Variants in ADAMTS14 observed in about 807,000 individuals in gnomAD.
ADAMTS14 encodes A disintegrin and metalloproteinase with thrombospondin motifs 14.
A neutral mutation model predicts 128.6 loss-of-function variants in ADAMTS14; 100 were observed. That is an observed-to-expected ratio of 0.78 (90% CI 0.66 to 0.92). The LOEUF (loss-of-function observed/expected upper bound fraction) is 0.92, where lower values mean the gene tolerates loss of function less well. ADAMTS14 is among the 40% of genes least tolerant of loss of function. ADAMTS14 has a pLI of 0.00. For missense variants in ADAMTS14, 1,562 were observed against 1,658.6 expected (o/e 0.94, Z 1.01); for synonymous variants, 665 against 653.8 (o/e 1.02, Z -0.26).
Position 70,761,626 on chromosome 10 carries a change from C to G in ADAMTS14, c.*773C>G, listed in dbSNP as rs368832443. 18 of 152,366 alleles carry G rather than the reference C, an allele frequency of 1.2e-4. No homozygotes were observed. Among genetic ancestry groups the G allele is most frequent in the African/African-American group, 3.8e-4 (16 of 41,586 alleles). 9.4% of individuals were successfully genotyped at this position (152,366 alleles called of 1,614,324 possible). On this transcript the variant is annotated 3_prime_UTR_variant, in exon 22 of 22. Transcript: ENST00000373207. ...AGGGGGCTCAGGACACCCTGGACCC[C>G]AAGTCCTCAGCATCCAGGGATTTCC...
intron 6 of ADAMTS14, among the ~76,000 whole-genome samples, chr10:70,731,652 A>G (rs1467265594): frequency 6.6e-6 from 1 of 152,114 alleles, no homozygotes; most frequent in East Asian, 1.9e-4. Context: ...ACTGCCCTCC[A>G]TCAGCCATTC....
intron 5 of ADAMTS14, 80 bp downstream of exon 5, chr10:70,729,457 C>A: frequency 8.4e-7 from 1 of 1,196,928 alleles, no homozygotes; most frequent in Non-Finnish European, 1.2e-6. Context: ...ATGGTGTGGG[C>A]TGCAGGGGTA....
intron 2 of ADAMTS14, among the ~76,000 whole-genome samples, chr10:70,680,787 G>A (rs1259228201): frequency 5.3e-5 from 8 of 152,072 alleles, no homozygotes; most frequent in African/African-American, 1.2e-4. Context: ...GACTACAGGC[G>A]TGCACCACCA....
chr10:70,725,176 A>G (rs547702745), intron 4 of ADAMTS14, among the ~76,000 whole-genome samples: 2 of 152,272 alleles, frequency 1.3e-5, no homozygotes, highest in South Asian at 2.1e-4. Flanking sequence ...AGGGAAGTCC[A>G]TAAGAGACTG....
chr10:70,680,014 T>C (rs1355289818), intron 2 of ADAMTS14, among the ~76,000 whole-genome samples: 2 of 152,226 alleles, frequency 1.3e-5, no homozygotes, highest in African/African-American at 4.8e-5. Context: ...TATTTTAAAA[T>C]TGTGGCAGTG....
chr10:70,698,522 G>A (rs1356708499), intron 2 of ADAMTS14, among the ~76,000 whole-genome samples: 1 of 152,158 alleles, frequency 6.6e-6, no homozygotes, highest in African/African-American at 2.4e-5. Flanking sequence ...CCGGTCTGGT[G>A]GCCAAGCCTG....
At chr10:70,695,529 G>A (rs887187969) in intron 2 of ADAMTS14, among the ~76,000 whole-genome samples, 2 of 152,176 alleles carry the variant, frequency 1.3e-5, no homozygotes, top group Admixed American at 6.5e-5. Context: ...TATGTAGGGT[G>A]TTGCTTTCAG....
intron 7 of ADAMTS14, among the ~76,000 whole-genome samples, chr10:70,733,668 C>A (rs371319523): frequency 1.3e-5 from 2 of 152,124 alleles, no homozygotes; most frequent in Non-Finnish European, 2.9e-5. Context: ...ACAGCAGGAG[C>A]GAAGGCTTGG....
chr10:70,726,660 G>T (rs1269415139), intron 4 of ADAMTS14, among the ~76,000 whole-genome samples: 2 of 152,170 alleles, frequency 1.3e-5, no homozygotes, highest in Admixed American at 1.3e-4. Context: ...GGGCTGGGAA[G>T]TAAGGGTTAC....
intron 4 of ADAMTS14, 41 bp downstream of exon 4, chr10:70,708,819 G>GGGGTGGGCCCCAC (rs1463161622): frequency 2.2e-6 from 3 of 1,336,814 alleles, no homozygotes; most frequent in East Asian, 5.5e-5. Flanking sequence ...GGAGTGGGGT[G>GGGGTGGGCCCCAC]GGGTGGGCCC....
intron 3 of ADAMTS14, among the ~76,000 whole-genome samples, chr10:70,704,042 G>C (rs1252399018): frequency 1.3e-5 from 2 of 152,230 alleles, no homozygotes. Context: ...AAAGCCAGAG[G>C]CTTCAGCTCA....
rs1308337127 is a variant in ADAMTS14, at chr10:70,672,782, C to T, written c.-21C>T. ...ACTTGGGGATCGGGCGCTTGCCCAG[C>T]CCGCGTCCCAGCGCGGCCACATGGC... is the stretch of plus-strand genomic sequence containing the variant. On this transcript the variant is annotated 5_prime_UTR_variant, in exon 1 of 22. Coordinates refer to ENST00000373207, the MANE Select transcript of ADAMTS14 (RefSeq NM_080722.4). The T allele has an allele frequency of 1.6e-5, 24 of 1,497,068 alleles. No homozygotes were observed. Among genetic ancestry groups the T allele is most frequent in the South Asian group, 3.8e-5 (3 of 79,356 alleles). The allele number at this position is 1,497,068 out of a possible 1,614,324, so 92.7% of individuals were successfully genotyped here. A position where few individuals can be genotyped will look rare whatever the true frequency, so the allele number is the denominator to read the frequency against.
intron 3 of ADAMTS14, among the ~76,000 whole-genome samples, chr10:70,707,010 T>A (rs994525762): frequency 3.3e-5 from 5 of 152,254 alleles, no homozygotes; most frequent in African/African-American, 1.2e-4. Context: ...CTGCCCCCTG[T>A]GCTGAAGCAG....
chr10:70,755,346 A>G (rs893938792), intron 19 of ADAMTS14, among the ~76,000 whole-genome samples: 3 of 151,620 alleles, frequency 2.0e-5, no homozygotes, highest in Non-Finnish European at 4.4e-5. Flanking sequence ...GAAATAAGCC[A>G]GACATCCAGA....
intron 2 of ADAMTS14, among the ~76,000 whole-genome samples, chr10:70,676,181 TGCA>T (rs1564515222): frequency 8.3e-4 from 126 of 151,026 alleles, no homozygotes; most frequent in African/African-American, 2.8e-3. Flanking sequence ...CAGGCTGGAG[TGCA>T]GTGGCTATTC....
rs186263768 is a variant in ADAMTS14, at chr10:70,710,908, C to T, written c.870+2130C>T. 1.1e-3 allele frequency among the ~76,000 whole-genome samples: 164 copies of T among 152,300 alleles called. 2 individuals are homozygous for T. The highest frequency in any genetic ancestry group is 3.8e-3 in the African/African-American group (157 of 41,560). On this transcript the variant is annotated intron_variant, in intron 4 of 21. Transcript: ENST00000373207. ...AATGTCAACCCCACGTCATGTCAGT[C>T]CCCTTGGAAACATTGGTAGGGCGCT...
chr10:70,744,623 T>C (rs925844022), intron 14 of ADAMTS14, among the ~76,000 whole-genome samples: 2 of 152,236 alleles, frequency 1.3e-5, no homozygotes, highest in African/African-American at 4.8e-5. Context: ...TTTGAGTTCC[T>C]TGACTTTCCT....
chr10:70,740,535 TC>T (rs1841963910), intron 11 of ADAMTS14, among the ~76,000 whole-genome samples: 1 of 152,224 alleles, frequency 6.6e-6, no homozygotes, highest in Admixed American at 6.5e-5. Flanking sequence ...AATCCAAGTT[TC>T]TTTTACCACT....
At chr10:70,698,912 C>T (rs549097691) in intron 2 of ADAMTS14, among the ~76,000 whole-genome samples, 132 of 152,160 alleles carry the variant, frequency 8.7e-4, no homozygotes, top group African/African-American at 3.0e-3. Context: ...AGGATGGTCT[C>T]CGTAGGGGTA....
Sources: gnomAD v4.1 joint callset for allele counts (sites outside exome capture counted in the v4.1 genomes callset) on GRCh38, gnomAD v4.1.1 for gene constraint, MANE v1.5 for transcripts, NCBI Gene and HGNC (gene_info 2026-07-23, HGNC 2026-07-21) for gene names.